DHX58: variants seen among roughly 807,000 people sequenced by gnomAD.
The protein encoded by DHX58 is ATP-dependent RNA helicase DHX58.
In DHX58, 51 loss-of-function variants were observed where a neutral mutation model predicts 65.0. The ratio of observed to expected loss-of-function variants is 0.78; its 90% CI spans 0.63 to 0.99. The LOEUF is 0.99. Ranked by LOEUF, DHX58 falls within the 50% of genes least tolerant of loss-of-function variation. DHX58 has a pLI of 0.00. For synonymous variants in DHX58, 350 were observed against 365.0 expected (o/e 0.96, Z 0.47); for missense variants, 773 against 891.8 (o/e 0.87, Z 1.70).
chr17:42,105,259 C>T (rs1220895468), intron 9 of DHX58, 92 bp from the exon 10 acceptor site: 4 of 1,438,496 alleles, frequency 2.8e-6, no homozygotes, highest in Admixed American at 2.6e-5. Flanking sequence ...CTGGTTCAGC[C>T]CTCACTCCCA....
At chr17:42,105,330 T>C (rs2054039411) in intron 9 of DHX58, among the ~76,000 whole-genome samples, 163 bp from the exon 10 acceptor site, 2 of 151,984 alleles carry the variant, frequency 1.3e-5, no homozygotes, top group South Asian at 2.1e-4. Flanking sequence ...ACCCCCAGGA[T>C]CTTGCCCATC....
At chr17:42,110,648 G>A in intron 5 of DHX58, 75 bp downstream of exon 5, 1 of 1,481,766 alleles carries the variant, frequency 6.7e-7, no homozygotes, top group Non-Finnish European at 9.0e-7. Context: ...GGACGGGGTA[G>A]TGGCAGGGCA....
In DHX58 at chr17:42,103,610, GA is replaced by G; in HGVS notation, c.1751del (p.Phe584SerfsTer40). On this transcript the variant is annotated frameshift_variant, in exon 12 of 14. Transcript: ENST00000251642. LOFTEE classifies it high-confidence loss of function. ...GTHHVNVNPN[F>X]SNYYNVSRDP... ...GTAGCCCCTTCCACAGGTCTCACGA[GA>G]AGTTGGGGTTCACATTGACATGGTG... 1 of 1,614,052 alleles carries G rather than the reference GA, an allele frequency of 6.2e-7. No individual in the cohort carries two copies. Among genetic ancestry groups the G allele is most frequent in the East Asian group, 2.2e-5 (1 of 44,884 alleles).
chr17:42,109,360 G>A lies in DHX58; in HGVS notation c.588C>T (p.Cys196=), dbSNP rs2054113559. 1 of 1,613,544 alleles carries A rather than the reference G, an allele frequency of 6.2e-7. No individual in the cohort carries two copies. The highest frequency in any genetic ancestry group is 1.7e-5 in the Admixed American group (1 of 59,944). Residue 196 remains cysteine (C), a synonymous_variant, in exon 6 of 14, where the codon TGC becomes TGT. Transcript: ENST00000251642. The stretch of plus-strand genomic sequence containing the variant: ...GGCAGCAGTTCTGGGGTGACATGAT[G>A]CACCACGTGTCCAAGTTGGCACAGA... ...LQLCANLDTW[C]IMSPQNCCPQ... is the part of the protein sequence containing the mutation.
chr17:42,111,424 C>T lies in DHX58; in HGVS notation c.242G>A (p.Ser81Asn), dbSNP rs377026859. 1 of 1,614,104 alleles carries T rather than the reference C, an allele frequency of 6.2e-7. No individual in the cohort carries two copies. Among genetic ancestry groups the T allele is most frequent in the African/African-American group, 1.3e-5 (1 of 74,932 alleles). The change falls in exon 4 of 14, where the codon AGT becomes AAT. Residue 81 changes from serine to asparagine, a missense_variant. Physicochemically the swap from Ser to Asn is conservative, Grantham distance 46. Coordinates refer to ENST00000251642, the MANE Select transcript of DHX58 (RefSeq NM_024119.3). ...LDGRWTVTTL[S>N]GDMGPRAGFG... Reference sequence around the variant, plus strand: ...GCCAGCACGTGGTCCCATGTCCCCACTCAGGGTTGTCACGGTCCAGCGTCC... The same window carrying T: ...GCCAGCACGTGGTCCCATGTCCCCATTCAGGGTTGTCACGGTCCAGCGTCC...
chr17:42,105,015 T>C lies in DHX58; in HGVS notation c.1401+3A>G, dbSNP rs2054033788. 1 of 1,612,828 alleles carries C rather than the reference T, an allele frequency of 6.2e-7. No homozygotes were observed. Among genetic ancestry groups the C allele is most frequent in the African/African-American group, 1.3e-5 (1 of 74,966 alleles). Reference sequence around the variant, plus strand: ...GCGGCTGAGTGGAGGAGGATGTGAGTACCTGGACCATGGAGATTTCATTGG... The same window carrying C: ...GCGGCTGAGTGGAGGAGGATGTGAGCACCTGGACCATGGAGATTTCATTGG... On this transcript the variant is annotated splice_donor_region_variant and intron_variant, in intron 10 of 13. Coordinates refer to ENST00000251642, the MANE Select transcript of DHX58 (RefSeq NM_024119.3).
intron 13 of DHX58, 122 bp from the exon 14 acceptor site, chr17:42,102,068 G>A: frequency 7.0e-7 from 1 of 1,434,606 alleles, no homozygotes. Context: ...ACAGACTGTG[G>A]GCTCCCTTAG....
Position 42,111,370 on chromosome 17 carries a change from A to C in DHX58, c.296T>G (p.Leu99Arg). The stretch of plus-strand genomic sequence containing the variant: ...CAGAAGCTCTGCTGTGCAGATGAGC[A>C]GGTCATGGCACCGGGCCAGGTGGCC... The part of the protein sequence containing the change: ...GFGHLARCHD[L>R]LICTAELLQM... The change falls in exon 4 of 14, where the codon CTG becomes CGG. Residue 99 changes from leucine (L) to arginine (R), a missense_variant. Physicochemically the swap from Leu to Arg is moderately radical, Grantham distance 102. Transcript: ENST00000251642. The C allele has an allele frequency of 6.2e-7, 1 of 1,614,202 alleles. No individual in the cohort carries two copies. The highest frequency in any genetic ancestry group is 8.5e-7 in the Non-Finnish European group (1 of 1,180,030).
rs567804120 is a variant in DHX58 at position 42,105,018 on chromosome 17, C to A, written c.1401G>T (p.Gln467His). ...GLLTNEISMV[Q>H]ARGRARADQS... ...GCTGAGTGGAGGAGGATGTGAGTAC[C>A]TGGACCATGGAGATTTCATTGGTCA... Residue 467 changes from glutamine (Q) to histidine (H), a missense_variant and splice_region_variant, in exon 10 of 14, where the codon CAG becomes CAT. Gln to His is a conservative substitution (Grantham distance 24). Coordinates refer to ENST00000251642, the MANE Select transcript of DHX58 (RefSeq NM_024119.3). 1.2e-6 allele frequency: 2 copies of A among 1,612,984 alleles called. No homozygotes were observed. The highest frequency in any genetic ancestry group is 2.2e-5 in the South Asian group (2 of 91,038).
chr17:42,110,148 C>A (rs1598220862), intron 5 of DHX58, among the ~76,000 whole-genome samples: 1 of 148,918 alleles, frequency 6.7e-6, no homozygotes, highest in South Asian at 2.1e-4. Flanking sequence ...AATCATGCCA[C>A]TGCCCTCCAG....
chr17:42,107,983 A>T lies in DHX58; in HGVS notation c.804T>A (p.Ala268=). 6.2e-7 allele frequency: 1 copy of T among 1,613,748 alleles called. No individual in the cohort carries two copies. The highest frequency in any genetic ancestry group is 8.5e-7 in the Non-Finnish European group (1 of 1,179,962). Residue 268 remains alanine, a splice_region_variant and synonymous_variant, in exon 7 of 14, where the codon GCT becomes GCA. Transcript: ENST00000251642. ...YEQQVVKLSE[A]AALAGLQEQR... ...CGCCAGAAGGGCTGCCCCTCTCACCAGCCTCACTCAGCTTCACCACCTGCT... is the reference window on the plus strand; with the variant it reads ...CGCCAGAAGGGCTGCCCCTCTCACCTGCCTCACTCAGCTTCACCACCTGCT...
Position 42,102,232 on chromosome 17 carries a change from C to T in DHX58, c.1835G>A (p.Cys612Tyr). The change falls in exon 13 of 14, where the codon TGC becomes TAC. Residue 612 changes from cysteine to tyrosine, a missense_variant. Cys to Tyr is a radical substitution (Grantham distance 194). Transcript: ENST00000251642. ...AGCTCTTACCTCCCCACAGTTCCTG[C>T]AGCTGATGACACCCCCAGGCTTCCA... ...KDWKPGGVIS[C>Y]RNCGEVWGLQ... is the part of the protein sequence containing the mutation. 6.2e-7 allele frequency: 1 copy of T among 1,614,200 alleles called. No individual in the cohort carries two copies. Among genetic ancestry groups the T allele is most frequent in the South Asian group, 1.1e-5 (1 of 91,084 alleles).
In DHX58 at chr17:42,108,099, CA is replaced by C; in HGVS notation, c.687del (p.Phe229LeufsTer5). On this transcript the variant is annotated frameshift_variant, in exon 7 of 14. Transcript: ENST00000251642. LOFTEE classifies it high-confidence loss of function. ...TCCATGAGCTTCTTCAGCAAGTCCC[CA>C]AACGGATCCTGAGCAAGAGGAGAGT... The part of the protein sequence containing the change: ...NLCHRRSQDP[F>X]GDLLKKLMDQ... 1.2e-6 allele frequency: 2 copies of C among 1,614,252 alleles called. No individual in the cohort carries two copies. Among genetic ancestry groups the C allele is most frequent in the Non-Finnish European group, 1.7e-6 (2 of 1,180,048 alleles).
chr17:42,106,423 C>T (rs1176057837), intron 8 of DHX58, among the ~76,000 whole-genome samples: 3 of 98,952 alleles, frequency 3.0e-5, no homozygotes, highest in East Asian at 2.7e-4. Context: ...GGACTGTAGG[C>T]GTGCAGAAGG....
Position 42,103,814 on chromosome 17 carries a change from A to T in DHX58, c.1564-16T>A. ...GATCCCGGATCTGGGGTGGGAGGAGACACCAGGCATGGCTGGGGCCTAAGA... is the reference window on the plus strand; with the variant it reads ...GATCCCGGATCTGGGGTGGGAGGAGTCACCAGGCATGGCTGGGGCCTAAGA... On this transcript the variant is annotated splice_polypyrimidine_tract_variant and intron_variant, in intron 11 of 13. Transcript: ENST00000251642. 1 of 1,597,884 alleles carries T rather than the reference A, an allele frequency of 6.3e-7. No individual in the cohort carries two copies. Among genetic ancestry groups the T allele is most frequent in the Non-Finnish European group, 8.5e-7 (1 of 1,176,094 alleles).
chr17:42,102,121 G>T, intron 13 of DHX58, 95 bp downstream of exon 13: 1 of 1,479,882 alleles, frequency 6.8e-7, no homozygotes, highest in Non-Finnish European at 9.4e-7. Context: ...GCCATGGGGT[G>T]GGACTGTCTC....
chr17:42,109,010 C>T (rs116122478), intron 6 of DHX58, among the ~76,000 whole-genome samples: 1,741 of 152,334 alleles, frequency 0.011, 27 homozygotes, highest in African/African-American at 0.038. Context: ...ACAAAGTATC[C>T]CTGCTCTCTG....
At chr17:42,102,497 C>A in intron 12 of DHX58, 185 bp from the exon 13 acceptor site, 1 of 578,872 alleles carries the variant, frequency 1.7e-6, no homozygotes, top group Non-Finnish European at 3.1e-6. Flanking sequence ...ATCGCACGTT[C>A]CCTTGTGCCC....
chr17:42,102,149 C>T (rs1555661658), intron 13 of DHX58, 67 bp downstream of exon 13: 9 of 1,568,896 alleles, frequency 5.7e-6, no homozygotes, highest in Non-Finnish European at 7.9e-6. Context: ...CTAGTGAGGG[C>T]TCCCTGAGGG....
Sources: allele counts gnomAD v4.1 joint callset (sites outside exome capture counted in the v4.1 genomes callset), GRCh38; gene constraint gnomAD v4.1.1; transcripts MANE v1.5; gene names NCBI Gene and HGNC (gene_info 2026-07-23, HGNC 2026-07-21).